MEMO1: variants seen among roughly 807,000 people sequenced by gnomAD.
MEMO1 encodes mediator of cell motility 1, also known as protein MEMO1.
MEMO1 carries 6 observed loss-of-function variants against 45.2 expected under a neutral mutation model. The observed-to-expected ratio is 0.13, with a 90% confidence interval of 0.07 to 0.26. The LOEUF is 0.26. Among genes scored for constraint, MEMO1 ranks in the 10% least tolerant of loss-of-function variants. The pLI, the probability that MEMO1 is intolerant of heterozygous loss-of-function variation, is 1.00. For synonymous variants in MEMO1, 78 were observed against 124.3 expected, an observed-to-expected ratio of 0.63 and a Z score of 2.48; for missense variants, 184 against 370.5, an observed-to-expected ratio of 0.50 and a Z score of 4.13.
At chr2:32,001,290 C>T (rs1392212006) in intron 2 of MEMO1, among the ~76,000 whole-genome samples, 3 of 151,806 alleles carry the variant, frequency 2.0e-5, no homozygotes, top group Non-Finnish European at 2.9e-5. Flanking sequence ...CCGCCCGCCT[C>T]GGCCTCCCAA....
intron 2 of MEMO1, among the ~76,000 whole-genome samples, chr2:31,968,669 T>C (rs1352615065): frequency 1.3e-5 from 2 of 152,216 alleles, no homozygotes; most frequent in Non-Finnish European, 2.9e-5. Flanking sequence ...GTCCATATCC[T>C]TGCATTCCAA....
At chr2:32,009,596 G>A (rs914307210) in intron 2 of MEMO1, among the ~76,000 whole-genome samples, 3 of 152,236 alleles carry the variant, frequency 2.0e-5, no homozygotes, top group Non-Finnish European at 2.9e-5. Context: ...GGGGCGAGAA[G>A]ACTTCCTCTC....
intron 2 of MEMO1, among the ~76,000 whole-genome samples, chr2:31,993,758 C>T (rs930891339): frequency 6.6e-6 from 1 of 152,038 alleles, no homozygotes; most frequent in Non-Finnish European, 1.5e-5. Context: ...AGTGGAGATA[C>T]CTCACTGATT....
chr2:31,980,986 T>A (rs1027843207), intron 2 of MEMO1, among the ~76,000 whole-genome samples: 1 of 152,214 alleles, frequency 6.6e-6, no homozygotes, highest in African/African-American at 2.4e-5. Context: ...GATAAACTAA[T>A]CAGTGTCCAA....
chr2:31,980,645 T>G (rs1313309428), intron 2 of MEMO1, among the ~76,000 whole-genome samples: 1 of 152,060 alleles, frequency 6.6e-6, no homozygotes, highest in Non-Finnish European at 1.5e-5. Flanking sequence ...AGCCTCCTTC[T>G]CCAACATTTT....
chr2:31,976,868 A>T (rs1670064866), intron 2 of MEMO1, among the ~76,000 whole-genome samples: 1 of 152,182 alleles, frequency 6.6e-6, no homozygotes. Context: ...AAGCAACATT[A>T]CTGAGACTGC....
At chr2:31,994,810 T>C (rs1324651111) in intron 2 of MEMO1, among the ~76,000 whole-genome samples, 1 of 151,876 alleles carries the variant, frequency 6.6e-6, no homozygotes, top group Non-Finnish European at 1.5e-5. Context: ...TAGCCGGGCA[T>C]GGTGGTGCAC....
intron 4 of MEMO1, among the ~76,000 whole-genome samples, chr2:31,928,953 C>T (rs989704337): frequency 1.3e-5 from 2 of 152,218 alleles, no homozygotes; most frequent in East Asian, 3.9e-4. Flanking sequence ...AGCTTCCGAA[C>T]GTGAATTTCT....
intron 2 of MEMO1, among the ~76,000 whole-genome samples, chr2:31,965,016 C>G (rs1299196338): frequency 6.6e-6 from 1 of 151,828 alleles, no homozygotes; most frequent in Non-Finnish European, 1.5e-5. Context: ...GAATTTGAGA[C>G]GAGTCTGGCC....
intron 2 of MEMO1, among the ~76,000 whole-genome samples, chr2:31,970,560 T>C (rs1481803583): frequency 1.3e-5 from 2 of 152,074 alleles, no homozygotes; most frequent in East Asian, 3.8e-4. Context: ...CTATCTGTTA[T>C]CATCTTTTTT....
At chr2:31,980,375 A>G (rs1228598071) in intron 2 of MEMO1, among the ~76,000 whole-genome samples, 1 of 152,190 alleles carries the variant, frequency 6.6e-6, no homozygotes, top group Non-Finnish European at 1.5e-5. Context: ...GGAGGCTGCA[A>G]TGAGCTACGA....
At chr2:31,921,216 T>C (rs896622346) in intron 4 of MEMO1, among the ~76,000 whole-genome samples, 1 of 152,186 alleles carries the variant, frequency 6.6e-6, no homozygotes, top group African/African-American at 2.4e-5. Flanking sequence ...ACCAGAAGTA[T>C]GCCTGCACAG....
intron 4 of MEMO1, among the ~76,000 whole-genome samples, chr2:31,924,965 T>C (rs2148202277): frequency 6.6e-6 from 1 of 152,354 alleles, no homozygotes; most frequent in East Asian, 1.9e-4. Flanking sequence ...AAGCCTTTTA[T>C]GGCATTTCAT....
At chr2:31,903,908 A>G (rs555752211) in intron 6 of MEMO1, among the ~76,000 whole-genome samples, 1 of 152,340 alleles carries the variant, frequency 6.6e-6, no homozygotes, top group East Asian at 1.9e-4. Context: ...CTACGTCCAG[A>G]GAGAAGCCAT....
At chr2:31,939,266 A>G (rs990350669) in intron 3 of MEMO1, among the ~76,000 whole-genome samples, 1 of 152,270 alleles carries the variant, frequency 6.6e-6, no homozygotes, top group Admixed American at 6.5e-5. Flanking sequence ...GTTTATATTT[A>G]TGTTTTTATA....
intron 4 of MEMO1, among the ~76,000 whole-genome samples, chr2:31,930,025 C>T (rs573476472): frequency 6.6e-6 from 1 of 152,272 alleles, no homozygotes; most frequent in East Asian, 1.9e-4. Context: ...TTTGGGAGGC[C>T]GAGGTGGGCG....
chr2:31,995,218 G>A (rs953144240), intron 2 of MEMO1, among the ~76,000 whole-genome samples: 10 of 152,012 alleles, frequency 6.6e-5, no homozygotes, highest in Non-Finnish European at 1.2e-4. Context: ...TTGGGAGGCC[G>A]AGGCGGGTGA....
intron 3 of MEMO1, among the ~76,000 whole-genome samples, chr2:31,935,937 T>C: frequency 6.6e-6 from 1 of 152,156 alleles, no homozygotes; most frequent in Admixed American, 6.5e-5. Flanking sequence ...GTGTCCCATT[T>C]AGTATTTTAT....
At chr2:31,994,481 T>C (rs1672325670) in intron 2 of MEMO1, among the ~76,000 whole-genome samples, 1 of 150,126 alleles carries the variant, frequency 6.7e-6, no homozygotes. Context: ...AATACAAAAA[T>C]TAGCCAGGCG....
Sources: allele counts gnomAD v4.1 joint callset (sites outside exome capture counted in the v4.1 genomes callset), GRCh38; gene constraint gnomAD v4.1.1; transcripts MANE v1.5; gene names NCBI Gene and HGNC (gene_info 2026-07-23, HGNC 2026-07-21).